The following STAU2 variants were observed in gnomAD, a reference collection of about 807,000 sequenced individuals.
The protein encoded by STAU2 is double-stranded RNA-binding protein Staufen homolog 2.
Under a neutral mutation model 65.9 loss-of-function variants are expected in STAU2, and 20 were observed. The ratio of observed to expected loss-of-function variants is 0.30; its 90% CI spans 0.21 to 0.44. The LOEUF is 0.44. STAU2 is among the 20% of genes least tolerant of loss of function. The pLI is 1.00. For missense variants in STAU2, 558 were observed against 683.9 expected (o/e 0.82, Z 2.05); for synonymous variants, 232 against 233.9 (o/e 0.99, Z 0.07).
At chr8:73,459,958 A>G (rs1445710779) in intron 13 of STAU2, among the ~76,000 whole-genome samples, 1 of 152,082 alleles carries the variant, frequency 6.6e-6, no homozygotes, top group Admixed American at 6.5e-5. Context: ...CACAATGGAG[A>G]TCAGAGGAAT....
intron 13 of STAU2, among the ~76,000 whole-genome samples, chr8:73,464,660 A>G (rs56383415): frequency 0.01 from 1,596 of 152,310 alleles, 24 homozygotes; most frequent in Non-Finnish European, 0.014. Context: ...CTCTTGAAAC[A>G]CTCCAAGGGT....
At chr8:73,442,408 A>G (rs929710029) in intron 13 of STAU2, among the ~76,000 whole-genome samples, 1 of 152,168 alleles carries the variant, frequency 6.6e-6, no homozygotes, top group Non-Finnish European at 1.5e-5. Flanking sequence ...TATACTTAAA[A>G]TAACCATTTC....
chr8:73,672,367 G>A (rs1236409143), intron 6 of STAU2: 1 of 75,104 alleles, frequency 1.3e-5, no homozygotes, highest in African/African-American at 5.6e-5. Context: ...AAAGAGGTCT[G>A]AGGAAACTCT....
chr8:73,640,342 A>G (rs2130120228), intron 6 of STAU2, among the ~76,000 whole-genome samples: 1 of 152,290 alleles, frequency 6.6e-6, no homozygotes, highest in South Asian at 2.1e-4. Context: ...ACACTGACTT[A>G]AAGAATTGGT....
At chr8:73,674,126 T>TAAA (rs368065193) in intron 5 of STAU2, among the ~76,000 whole-genome samples, 6 of 114,138 alleles carry the variant, frequency 5.3e-5, no homozygotes, top group Non-Finnish European at 7.8e-5. Flanking sequence ...AACCCAAAAC[T>TAAA]AAAAAAAAAA....
intron 1 of STAU2, 123 bp from the exon 2 acceptor site, chr8:73,739,991 C>T (rs1806725391): frequency 1.7e-6 from 1 of 590,046 alleles, no homozygotes; most frequent in African/African-American, 1.9e-5. Flanking sequence ...AACTGTGGTG[C>T]CCTTTGGAGA....
intron 6 of STAU2, among the ~76,000 whole-genome samples, chr8:73,638,924 CA>C (rs1814756637): frequency 6.6e-6 from 1 of 150,736 alleles, no homozygotes; most frequent in Admixed American, 6.6e-5. Flanking sequence ...AGTGTTGCAA[CA>C]GAAATAGTTG....
chr8:73,480,236 A>G (rs1011156366), intron 13 of STAU2, among the ~76,000 whole-genome samples: 9 of 152,104 alleles, frequency 5.9e-5, no homozygotes, highest in Admixed American at 4.6e-4. Context: ...TTCCCTGAAC[A>G]TGTCTTCCTT....
rs183437476 is a variant in STAU2, at chr8:73,717,239, T to C, written c.-17-8077A>G. 1.1e-4 allele frequency among the ~76,000 whole-genome samples: 17 copies of C among 152,362 alleles called. No homozygotes were observed. The East Asian group carries it at 2.7e-3, about 24-fold the overall frequency. ...TTTTTTTCCCAAACTGTGGCTTTTCTCTTTATTCTCTTACCAGTGTCTTTT... is the reference window on the plus strand; with the variant it reads ...TTTTTTTCCCAAACTGTGGCTTTTCCCTTTATTCTCTTACCAGTGTCTTTT... On this transcript the variant is annotated intron_variant, in intron 3 of 14. Coordinates refer to ENST00000524300, the MANE Select transcript of STAU2 (RefSeq NM_001164380.2).
At position 73,595,214 on chromosome 8, in the gene STAU2, T is replaced by G; in HGVS notation, c.1113A>C (p.Leu371Phe). ...TAGTGGATGCTTTATAACCAAGTTG[T>G]AACAGCATTGCTTCTGCAGCATTTT... The part of the protein sequence containing the change: ...AKKNAAEAML[L>F]QLGYKASTNL... The change falls in exon 11 of 15, where the codon TTA (leucine) becomes TTC (phenylalanine). Residue 371 changes from leucine to phenylalanine, a missense_variant. This residue lies in a region of STAU2 where 247 missense variants were observed against 270.1 expected (regional missense o/e 0.91). Transcript: ENST00000524300. 6.2e-7 allele frequency: 1 copy of G among 1,611,422 alleles called. No homozygotes were observed.
intron 13 of STAU2, among the ~76,000 whole-genome samples, chr8:73,548,701 T>C (rs1331262086): frequency 6.6e-6 from 1 of 152,140 alleles, no homozygotes; most frequent in Non-Finnish European, 1.5e-5. Flanking sequence ...AACTAAGTGT[T>C]TCTTTATATT....
rs562806983 is a variant in STAU2 at position 73,552,152 on chromosome 8, T to C, written c.1390A>G (p.Ile464Val). 5.0e-6 allele frequency: 8 copies of C among 1,613,990 alleles called. No homozygotes were observed. The African/African-American group carries it at 6.7e-5, about 13-fold the overall frequency. The change falls in exon 13 of 15, where the codon ATT becomes GTT. Residue 464 changes from isoleucine to valine, a missense_variant. Physicochemically the swap from Ile to Val is conservative, Grantham distance 29 (BLOSUM62 3). Transcript: ENST00000524300. ...ISPTSNSSAT[I>V]ARELLMNGTS... ...CCATTCATAAGGAGTTCCCTGGCAA[T>C]TGTAGCTGAACTATTCGATGTGGGA...
intron 3 of STAU2, among the ~76,000 whole-genome samples, chr8:73,734,986 G>A (rs946078752): frequency 6.6e-6 from 1 of 152,110 alleles, no homozygotes; most frequent in Admixed American, 6.5e-5. Flanking sequence ...CCAGGCTGGA[G>A]TGCAGTGGTA....
chr8:73,725,613 A>G (rs1805566198), intron 3 of STAU2, among the ~76,000 whole-genome samples: 1 of 152,198 alleles, frequency 6.6e-6, no homozygotes, highest in Non-Finnish European at 1.5e-5. Flanking sequence ...CCTGGCCAAC[A>G]TGGCAAAACC....
intron 12 of STAU2, among the ~76,000 whole-genome samples, chr8:73,582,105 A>C (rs1351855426): frequency 1.3e-5 from 2 of 152,224 alleles, no homozygotes; most frequent in Non-Finnish European, 2.9e-5. Flanking sequence ...CTAAACGTCC[A>C]ATGTAAAATA....
chr8:73,700,501 T>C (rs1248100005), intron 4 of STAU2, among the ~76,000 whole-genome samples: 1 of 152,020 alleles, frequency 6.6e-6, no homozygotes, highest in African/African-American at 2.4e-5. Flanking sequence ...ATATACTAAA[T>C]CAGTAGCATT....
chr8:73,543,351 A>C (rs1348684092), intron 13 of STAU2, among the ~76,000 whole-genome samples: 1 of 152,158 alleles, frequency 6.6e-6, no homozygotes, highest in African/African-American at 2.4e-5. Context: ...TTTGGTGACT[A>C]TATACATTTT....
At chr8:73,606,969 C>G (rs1812068223) in intron 9 of STAU2, among the ~76,000 whole-genome samples, 1 of 150,320 alleles carries the variant, frequency 6.7e-6, no homozygotes, top group Non-Finnish European at 1.5e-5. Flanking sequence ...AGAAGCCAGC[C>G]AAAAAAAAGA....
At chr8:73,739,970 G>A in intron 1 of STAU2, 102 bp from the exon 2 acceptor site, 1 of 633,302 alleles carries the variant, frequency 1.6e-6, no homozygotes. Flanking sequence ...CTCAGAGGGA[G>A]GCAGATGCCA....
Sources: gnomAD v4.1 joint callset for allele counts (sites outside exome capture counted in the v4.1 genomes callset) on GRCh38, gnomAD v4.1.1 for gene constraint, gnomAD v4.1.1 regional missense constraint, MANE v1.5 for transcripts, NCBI Gene and HGNC (gene_info 2026-07-23, HGNC 2026-07-21) for gene names.